FAM241A: variants seen among roughly 807,000 people sequenced by gnomAD.
The protein encoded by FAM241A is family with sequence similarity 241 member A.
A neutral mutation model predicts 12.2 loss-of-function variants in FAM241A; 7 were observed. The ratio of observed to expected loss-of-function variants is 0.58; its 90% CI spans 0.33 to 1.08. The LOEUF is 1.08. FAM241A is among the 50% of genes least tolerant of loss of function. The pLI is 0.04. For synonymous variants in FAM241A, 74 were observed against 68.2 expected (o/e 1.08, Z -0.42); for missense variants, 161 against 169.7 (o/e 0.95, Z 0.29).
At chr4:112,178,162 A>G (rs1328706529) in intron 1 of FAM241A, among the ~76,000 whole-genome samples, 1 of 152,202 alleles carries the variant, frequency 6.6e-6, no homozygotes, top group Non-Finnish European at 1.5e-5. Flanking sequence ...ATACTATGCT[A>G]GGCACAATAA....
rs1724193341 is a variant in FAM241A at position 112,192,783 on chromosome 4, T to C, written c.*5845T>C. 1 of 151,682 alleles carries C rather than the reference T, an allele frequency of 6.6e-6. No individual in the cohort carries two copies. Among genetic ancestry groups the C allele is most frequent in the Non-Finnish European group, 1.5e-5 (1 of 67,908 alleles). 9.4% of individuals were successfully genotyped at this position (151,682 alleles called of 1,614,324 possible). A position where few individuals can be genotyped will look rare whatever the true frequency, so the allele number is the denominator to read the frequency against. ...TGGGTTGGTTCCAAGTCTTTGCTAT[T>C]GTGAATAGTGCTGCAATAAACATAC... On this transcript the variant is annotated 3_prime_UTR_variant, in exon 2 of 2. Transcript: ENST00000309733.
chr4:112,184,557 A>G (rs1220850062), intron 1 of FAM241A, among the ~76,000 whole-genome samples: 2 of 152,216 alleles, frequency 1.3e-5, no homozygotes, highest in African/African-American at 4.8e-5. Flanking sequence ...AGTATAGCTC[A>G]AAAGTAAATC....
At chr4:112,164,072 C>T (rs557813567) in intron 1 of FAM241A, among the ~76,000 whole-genome samples, 2 of 149,184 alleles carry the variant, frequency 1.3e-5, no homozygotes, top group East Asian at 4.0e-4. Context: ...AATGAGAACC[C>T]TTGGACACAG....
chr4:112,158,336 C>T (rs566614668), intron 1 of FAM241A, among the ~76,000 whole-genome samples: 1 of 152,078 alleles, frequency 6.6e-6, no homozygotes, highest in South Asian at 2.1e-4. Flanking sequence ...TATTGAACAT[C>T]AATTGTTTTA....
chr4:112,164,370 G>A (rs996617260), intron 1 of FAM241A, among the ~76,000 whole-genome samples: 1 of 151,006 alleles, frequency 6.6e-6, no homozygotes, highest in Non-Finnish European at 1.5e-5. Flanking sequence ...AACACTGCAT[G>A]TTCTCACTCA....
chr4:112,153,730 G>A (rs1723294297), intron 1 of FAM241A, among the ~76,000 whole-genome samples: 1 of 152,100 alleles, frequency 6.6e-6, no homozygotes, highest in Non-Finnish European at 1.5e-5. Flanking sequence ...GGAAGTGATT[G>A]GCTTTATTTC....
chr4:112,171,067 A>G (rs931280472), intron 1 of FAM241A: 33 of 230,428 alleles, frequency 1.4e-4, no homozygotes, highest in East Asian at 6.2e-4. Context: ...AAGTATGACA[A>G]TTGAGACCAG....
intron 1 of FAM241A, among the ~76,000 whole-genome samples, chr4:112,157,041 T>C (rs1464154733): frequency 6.6e-6 from 1 of 152,168 alleles, no homozygotes; most frequent in African/African-American, 2.4e-5. Flanking sequence ...GCCATTTCAA[T>C]TGTGACAATG....
chr4:112,167,306 A>C (rs1331134737), intron 1 of FAM241A, among the ~76,000 whole-genome samples: 1 of 152,146 alleles, frequency 6.6e-6, no homozygotes, highest in Non-Finnish European at 1.5e-5. Context: ...GCCCCTAAGG[A>C]GTTCTAACTA....
intron 1 of FAM241A, among the ~76,000 whole-genome samples, chr4:112,178,741 C>G (rs1048912767): frequency 1.3e-5 from 2 of 152,138 alleles, no homozygotes; most frequent in African/African-American, 4.8e-5. Flanking sequence ...AACTATACAT[C>G]TGACAGAGGT....
At chr4:112,173,089 A>G (rs1398915074) in intron 1 of FAM241A, among the ~76,000 whole-genome samples, 2 of 151,936 alleles carry the variant, frequency 1.3e-5, no homozygotes, top group African/African-American at 4.8e-5. Flanking sequence ...GGGTCTCACT[A>G]TGTTGCCCAG....
chr4:112,163,017 C>T (rs1037860502), intron 1 of FAM241A, among the ~76,000 whole-genome samples: 3 of 152,124 alleles, frequency 2.0e-5, no homozygotes, highest in African/African-American at 7.2e-5. Flanking sequence ...CATCTACAAC[C>T]ATCTGATCTT....
Position 112,186,673 on chromosome 4 carries a change from C to CTT in FAM241A, c.154-6_154-5dup, listed in dbSNP as rs371585740. 2.0e-4 allele frequency: 290 copies of CTT among 1,430,292 alleles called. No individual in the cohort carries two copies. The highest frequency in any genetic ancestry group is 3.9e-4 in the Middle Eastern group (2 of 5,098). The allele number at this position is 1,430,292 out of a possible 1,614,324, so 88.6% of individuals were successfully genotyped here. A position where few individuals can be genotyped will look rare whatever the true frequency, so the allele number is the denominator to read the frequency against. On this transcript the variant is annotated intron_variant, in intron 1 of 1. Coordinates refer to ENST00000309733, the MANE Select transcript of FAM241A (RefSeq NM_152400.3). ...TTCTCATGTTATGTTCATGTTTTGT[C>CTT]TTTTTTTTTTTTTTTAAAGGATGTT...
intron 1 of FAM241A, among the ~76,000 whole-genome samples, chr4:112,172,838 T>A (rs188997980): frequency 2.0e-5 from 3 of 152,340 alleles, no homozygotes; most frequent in Admixed American, 2.0e-4. Context: ...TGTTCATTTA[T>A]GCGTTAATAT....
In FAM241A at chr4:112,190,016, A is replaced by C. The variant is rs1521478; in HGVS notation, c.*3078A>C. 0.54 allele frequency: 81,351 copies of C among 151,782 alleles called. 22,797 individuals carry two copies. Among genetic ancestry groups the C allele is most frequent in the African/African-American group, 0.71 (29,381 of 41,378 alleles). 9.4% of individuals were successfully genotyped at this position (151,782 alleles called of 1,614,324 possible). ...ATCCCCATCGACCCACCCAAAACTG[A>C]ATCTGGCTCTTTCCCTTGTGGGTAT... On this transcript the variant is annotated 3_prime_UTR_variant, in exon 2 of 2. Transcript: ENST00000309733.
At chr4:112,168,557 GTTAAC>G (rs1723648142) in intron 1 of FAM241A, among the ~76,000 whole-genome samples, 1 of 152,106 alleles carries the variant, frequency 6.6e-6, no homozygotes. Flanking sequence ...CATAAGTACT[GTTAAC>G]TTTGCTATGA....
intron 1 of FAM241A, among the ~76,000 whole-genome samples, chr4:112,147,198 TAAAAC>T (rs1723155589): frequency 6.6e-6 from 1 of 152,186 alleles, no homozygotes; most frequent in East Asian, 1.9e-4. Context: ...AGTAAAAGGA[TAAAAC>T]AAAAAATGAA....
intron 1 of FAM241A, among the ~76,000 whole-genome samples, chr4:112,185,173 T>C (rs1724013947): frequency 6.6e-6 from 1 of 152,060 alleles, no homozygotes; most frequent in African/African-American, 2.4e-5. Flanking sequence ...CTAAATAAAA[T>C]ATATTTAAAT....
intron 1 of FAM241A, among the ~76,000 whole-genome samples, chr4:112,179,475 G>A (rs542740867): frequency 5.3e-5 from 8 of 151,940 alleles, no homozygotes; most frequent in African/African-American, 9.7e-5. Context: ...ACCAAACACC[G>A]CATGTTCTCA....
Sources: gnomAD v4.1 joint callset for allele counts (sites outside exome capture counted in the v4.1 genomes callset) on GRCh38, gnomAD v4.1.1 for gene constraint, MANE v1.5 for transcripts, NCBI Gene and HGNC (gene_info 2026-07-23, HGNC 2026-07-21) for gene names.